Variants in NTM observed in about 807,000 individuals in gnomAD.
NTM encodes the protein neurotrimin.
A neutral mutation model predicts 42.1 loss-of-function variants in NTM; 13 were observed. The observed-to-expected ratio is 0.31, with a 90% CI of 0.20 to 0.49. The LOEUF (loss-of-function observed/expected upper bound fraction) is 0.49, where lower values mean the gene tolerates loss of function less well. NTM is among the 20% of genes least tolerant of loss of function. NTM has a pLI of 0.99. For synonymous variants in NTM, 187 were observed against 179.2 expected, an observed-to-expected ratio of 1.04 and a Z score of -0.35; for missense variants, 373 against 452.8, an observed-to-expected ratio of 0.82 and a Z score of 1.60.
At chr11:132,253,419 A>G (rs2092174085) in intron 4 of NTM, among the ~76,000 whole-genome samples, 1 of 151,520 alleles carries the variant, frequency 6.6e-6, no homozygotes, top group Non-Finnish European at 1.5e-5. Context: ...GTTTGTTTTC[A>G]TCACACTATA....
At chr11:131,491,602 A>G (rs1954799422) in intron 1 of NTM, among the ~76,000 whole-genome samples, 1 of 152,198 alleles carries the variant, frequency 6.6e-6, no homozygotes, top group Non-Finnish European at 1.5e-5. Context: ...TCTGAAAGGC[A>G]ATGTGAACAT....
At chr11:131,389,050 G>GAAAAGAAAAGAAAACA (rs1555097661) in intron 1 of NTM, among the ~76,000 whole-genome samples, 1 of 100,170 alleles carries the variant, frequency 1.0e-5, no homozygotes, top group African/African-American at 3.7e-5. Context: ...AAAAGAAAAG[G>GAAAAGAAAAGAAAACA]AAAAAGAAAG....
intron 2 of NTM, among the ~76,000 whole-genome samples, chr11:131,950,386 A>G (rs900783729): frequency 6.6e-6 from 1 of 151,694 alleles, no homozygotes; most frequent in Middle Eastern, 3.4e-3. Flanking sequence ...TTTCCATCTT[A>G]CCTCCACTAT....
chr11:132,142,621 C>G (rs2069424775), intron 2 of NTM, among the ~76,000 whole-genome samples: 1 of 152,170 alleles, frequency 6.6e-6, no homozygotes, highest in Non-Finnish European at 1.5e-5. Context: ...TGTGATCCAT[C>G]TCTGCAGAAG....
At chr11:132,020,473 TTTAA>T (rs565566589) in intron 2 of NTM, among the ~76,000 whole-genome samples, 20 of 152,150 alleles carry the variant, frequency 1.3e-4, no homozygotes, top group African/African-American at 4.1e-4. Flanking sequence ...TAGTGTACCA[TTTAA>T]TTATTGTATT....
intron 1 of NTM, among the ~76,000 whole-genome samples, chr11:131,872,300 G>A (rs956023930): frequency 1.3e-5 from 2 of 152,272 alleles, no homozygotes; most frequent in Admixed American, 1.3e-4. Flanking sequence ...GCTTTTGGGT[G>A]GGAAGTGGCA....
chr11:132,057,419 G>GT (rs1268124069), intron 2 of NTM, among the ~76,000 whole-genome samples: 1 of 152,186 alleles, frequency 6.6e-6, no homozygotes, highest in Non-Finnish European at 1.5e-5. Flanking sequence ...ATTCAGCTGT[G>GT]TGTTTATATT....
chr11:131,891,319 C>A (rs534765322), intron 1 of NTM, among the ~76,000 whole-genome samples: 1 of 152,016 alleles, frequency 6.6e-6, no homozygotes, highest in Admixed American at 6.6e-5. Flanking sequence ...GGCAGTCAGT[C>A]GAAGCGTGTC....
At chr11:132,257,587 C>T (rs1033627302) in intron 4 of NTM, among the ~76,000 whole-genome samples, 1 of 152,144 alleles carries the variant, frequency 6.6e-6, no homozygotes, top group Admixed American at 6.5e-5. Flanking sequence ...GACAAGGGAG[C>T]AAAACCAATG....
intron 1 of NTM, among the ~76,000 whole-genome samples, chr11:131,575,094 T>C (rs1201923827): frequency 2.0e-5 from 3 of 152,138 alleles, no homozygotes; most frequent in African/African-American, 7.2e-5. Context: ...GGATGACTCT[T>C]TAATAAAATG....
At chr11:131,732,076 G>A (rs529637558) in intron 1 of NTM, among the ~76,000 whole-genome samples, 2 of 152,214 alleles carry the variant, frequency 1.3e-5, no homozygotes, top group East Asian at 1.9e-4. Context: ...GGACCCCCAC[G>A]TATTCATCTA....
intron 3 of NTM, among the ~76,000 whole-genome samples, chr11:132,159,830 A>G (rs1344293842): frequency 6.6e-6 from 1 of 152,204 alleles, no homozygotes; most frequent in Non-Finnish European, 1.5e-5. Context: ...CAGCGAGCTA[A>G]GGCCCGAGGC....
intron 1 of NTM, among the ~76,000 whole-genome samples, chr11:131,756,140 G>A (rs1412736739): frequency 6.6e-6 from 1 of 152,200 alleles, no homozygotes; most frequent in African/African-American, 2.4e-5. Context: ...TGTTAGTGAA[G>A]GGCAGGTGTT....
chr11:131,551,102 C>G (rs2054605408), intron 1 of NTM, among the ~76,000 whole-genome samples: 1 of 152,186 alleles, frequency 6.6e-6, no homozygotes, highest in South Asian at 2.1e-4. Flanking sequence ...AGCTCCTAGG[C>G]TCAAGCAATC....
At chr11:131,768,810 C>T (rs2135891948) in intron 1 of NTM, among the ~76,000 whole-genome samples, 1 of 152,278 alleles carries the variant, frequency 6.6e-6, no homozygotes, top group East Asian at 1.9e-4. Flanking sequence ...AGCATTTATG[C>T]CACCAATAGC....
intron 1 of NTM, among the ~76,000 whole-genome samples, chr11:131,547,522 T>C (rs2054103305): frequency 6.6e-6 from 1 of 152,136 alleles, no homozygotes; most frequent in South Asian, 2.1e-4. Context: ...GAAATGGTTT[T>C]GTGGACGGTG....
intron 2 of NTM, among the ~76,000 whole-genome samples, chr11:132,133,160 C>G (rs2067145371): frequency 1.3e-5 from 2 of 152,184 alleles, no homozygotes; most frequent in Non-Finnish European, 2.9e-5. Flanking sequence ...CCATGTCTCT[C>G]CCAGCACCAT....
intron 1 of NTM, among the ~76,000 whole-genome samples, chr11:131,701,982 G>T (rs1027515921): frequency 6.6e-6 from 1 of 152,208 alleles, no homozygotes; most frequent in Non-Finnish European, 1.5e-5. Context: ...AACTGTGTGT[G>T]TCACACAACC....
intron 1 of NTM, among the ~76,000 whole-genome samples, chr11:131,437,079 T>C (rs1252122974): frequency 6.6e-6 from 1 of 152,214 alleles, no homozygotes; most frequent in Non-Finnish European, 1.5e-5. Flanking sequence ...TCAGTTTCCA[T>C]GTAGTTGTGT....
Sources: gnomAD v4.1 joint callset for allele counts (sites outside exome capture counted in the v4.1 genomes callset) on GRCh38, gnomAD v4.1.1 for gene constraint, MANE v1.5 for transcripts, NCBI Gene and HGNC (gene_info 2026-07-23, HGNC 2026-07-21) for gene names.